SPC25: variants seen among roughly 807,000 people sequenced by gnomAD.
The protein encoded by SPC25 is kinetochore protein Spc25.
In SPC25, 22 loss-of-function variants were observed where a neutral mutation model predicts 29.6. That is an observed-to-expected ratio of 0.74 (90% CI 0.53 to 1.06). The LOEUF is 1.06. Among genes scored for constraint, SPC25 ranks in the 50% least tolerant of loss-of-function variants. The probability of loss-of-function intolerance (pLI) is 0.00; values close to 1 mark genes in which losing one functional copy is unlikely to be tolerated. For synonymous variants in SPC25, 91 were observed against 90.4 expected (o/e 1.01, Z -0.04); for missense variants, 230 against 255.8 (o/e 0.90, Z 0.69).
chr2:168,890,199 G>C (rs922341617), intron 1 of SPC25, 119 bp downstream of exon 1: 9 of 458,302 alleles, frequency 2.0e-5, no homozygotes, highest in Non-Finnish European at 2.6e-5. Flanking sequence ...GGCCCAAACA[G>C]CAACAAGATG....
intron 5 of SPC25, among the ~76,000 whole-genome samples, chr2:168,874,466 T>G (rs1230902361): frequency 1.3e-5 from 2 of 152,040 alleles, no homozygotes; most frequent in African/African-American, 4.8e-5. Flanking sequence ...AGCCAAAAAG[T>G]GGAAATAACC....
At chr2:168,888,311 T>C (rs1690305650) in intron 3 of SPC25, among the ~76,000 whole-genome samples, 3 of 151,368 alleles carry the variant, frequency 2.0e-5, no homozygotes. Flanking sequence ...ATCCCAGCAC[T>C]TTGGGAGGCT....
At chr2:168,872,158 G>C (rs1239615788) in intron 6 of SPC25, among the ~76,000 whole-genome samples, 2 of 152,074 alleles carry the variant, frequency 1.3e-5, no homozygotes, top group Non-Finnish European at 2.9e-5. Flanking sequence ...AGTAGAGGCA[G>C]GGTTTCACCA....
chr2:168,879,476 G>A (rs959921572), intron 3 of SPC25, among the ~76,000 whole-genome samples: 13 of 152,290 alleles, frequency 8.5e-5, no homozygotes, highest in African/African-American at 3.1e-4. Context: ...TATCTGAGAT[G>A]GCAGCAATTC....
intron 3 of SPC25, among the ~76,000 whole-genome samples, chr2:168,888,063 G>A (rs1690300398): frequency 6.6e-6 from 1 of 152,182 alleles, no homozygotes; most frequent in Non-Finnish European, 1.5e-5. Context: ...CGGACTGCTT[G>A]AGCCCAGGAG....
At position 168,881,019 on chromosome 2, in the gene SPC25, T is replaced by C. The variant is rs566752964; in HGVS notation, c.200-3635A>G. Reference sequence around the variant, plus strand: ...CAGATACGAAGTCACCACATGCTGATGGAAAAATGGTGCCCACAGACTTGC... The same window carrying C: ...CAGATACGAAGTCACCACATGCTGACGGAAAAATGGTGCCCACAGACTTGC... On this transcript the variant is annotated intron_variant, in intron 3 of 6. Coordinates refer to ENST00000282074, the MANE Select transcript of SPC25 (RefSeq NM_020675.4). Among the ~76,000 whole-genome samples the C allele has an allele frequency of 6.4e-4, 98 of 152,306 alleles. No individual in the cohort carries two copies. The Middle Eastern group carries it at 0.017, about 26-fold the overall frequency.
chr2:168,882,001 C>T (rs907422747), intron 3 of SPC25, among the ~76,000 whole-genome samples: 2 of 152,034 alleles, frequency 1.3e-5, no homozygotes. Flanking sequence ...TCAGAATCAA[C>T]CTAGATCAAG....
intron 3 of SPC25, among the ~76,000 whole-genome samples, chr2:168,879,494 T>A (rs1690139341): frequency 6.6e-6 from 1 of 152,242 alleles, no homozygotes; most frequent in Non-Finnish European, 1.5e-5. Flanking sequence ...TTCGGTCACA[T>A]CTTCAGGCTC....
intron 4 of SPC25, chr2:168,863,712 C>CAGAG (rs1689639623): frequency 1.1e-6 from 1 of 915,026 alleles, no homozygotes; most frequent in African/African-American, 1.8e-5. Flanking sequence ...AGGGATAATG[C>CAGAG]AGAGACATTG....
At chr2:168,868,382 C>T (rs1486283644), downstream of SPC25, among the ~76,000 whole-genome samples, 2 of 151,874 alleles carry the variant, frequency 1.3e-5, no homozygotes, top group African/African-American at 2.4e-5. Context: ...AATAGAGACA[C>T]AAAAAACCCT....
chr2:168,870,845 TCCC>T (rs1689965733), downstream of SPC25: 1 of 149,164 alleles, frequency 6.7e-6, no homozygotes, highest in East Asian at 1.9e-4. Flanking sequence ...GACCCAGCCC[TCCC>T]ATTATTGGGT....
downstream of SPC25, among the ~76,000 whole-genome samples, chr2:168,867,040 G>T (rs559040143): frequency 1.2e-4 from 19 of 152,256 alleles, no homozygotes; most frequent in Admixed American, 1.0e-3. Flanking sequence ...CTGTAAACTA[G>T]TTCAACCATT....
chr2:168,871,248 C>A lies in SPC25; in HGVS notation c.*183G>T. On this transcript the variant is annotated 3_prime_UTR_variant, in exon 7 of 7. Coordinates refer to ENST00000282074, the MANE Select transcript of SPC25 (RefSeq NM_020675.4). ...GGAGGGATAGCATTAGGAGATATAC[C>A]TAATGAAATGACGAGTTAATGGGTG... 2 of 409,334 alleles carry A rather than the reference C, an allele frequency of 4.9e-6. No individual in the cohort carries two copies. The highest frequency in any genetic ancestry group is 8.5e-6 in the Non-Finnish European group (2 of 236,058). 25.4% of individuals were successfully genotyped at this position (409,334 alleles called of 1,614,324 possible). A position where few individuals can be genotyped will look rare whatever the true frequency, so the allele number is the denominator to read the frequency against.
intron 3 of SPC25, among the ~76,000 whole-genome samples, chr2:168,888,968 T>G: frequency 1.1e-5 from 1 of 88,490 alleles, no homozygotes; most frequent in East Asian, 3.7e-4. Context: ...TATATATATA[T>G]ATATACACAC....
At chr2:168,882,533 C>A (rs963268521) in intron 3 of SPC25, among the ~76,000 whole-genome samples, 1 of 152,154 alleles carries the variant, frequency 6.6e-6, no homozygotes, top group Non-Finnish European at 1.5e-5. Flanking sequence ...ACCAGGGAGT[C>A]GGAGGTTGCA....
At chr2:168,862,572 G>A (rs904327139) in intron 4 of SPC25, among the ~76,000 whole-genome samples, 1 of 152,168 alleles carries the variant, frequency 6.6e-6, no homozygotes, top group Non-Finnish European at 1.5e-5. Context: ...TAGAACCTAG[G>A]TCAGCTGACT....
chr2:168,863,913 T>TTTTA (rs1287429989), intron 4 of SPC25, among the ~76,000 whole-genome samples: 3 of 151,468 alleles, frequency 2.0e-5, no homozygotes, highest in African/African-American at 7.3e-5. Context: ...CGTGATCTTT[T>TTTTA]TTTATTTTTT....
chr2:168,877,680 A>G (rs1690112290), intron 3 of SPC25, among the ~76,000 whole-genome samples: 1 of 152,150 alleles, frequency 6.6e-6, no homozygotes, highest in African/African-American at 2.4e-5. Flanking sequence ...CCCACTCCAA[A>G]TAAGCACAGA....
At chr2:168,883,433 GCTA>G (rs1158455963) in intron 3 of SPC25, among the ~76,000 whole-genome samples, 1 of 152,058 alleles carries the variant, frequency 6.6e-6, no homozygotes, top group African/African-American at 2.4e-5. Context: ...AAAGAAAAAT[GCTA>G]CTATTTAAAG....
Sources: gnomAD v4.1 joint callset for allele counts (sites outside exome capture counted in the v4.1 genomes callset) on GRCh38, gnomAD v4.1.1 for gene constraint, MANE v1.5 for transcripts, NCBI Gene and HGNC (gene_info 2026-07-23, HGNC 2026-07-21) for gene names.